Variants in CTNND2 observed in about 807,000 individuals in gnomAD.
CTNND2 encodes the protein catenin delta 2.
CTNND2 carries 22 observed loss-of-function variants against 144.4 expected under a neutral mutation model. That is an observed-to-expected ratio of 0.15 (90% CI 0.11 to 0.22). The LOEUF (loss-of-function observed/expected upper bound fraction) is 0.22. CTNND2 is among the 10% of genes least tolerant of loss of function. CTNND2 has a pLI of 1.00. For missense variants in CTNND2, 1,353 were observed against 1,618.8 expected (o/e 0.84, Z 2.82); for synonymous variants, 751 against 695.6 (o/e 1.08, Z -1.25).
chr5:11,374,775 C>CTTTTTTT lies in CTNND2; in HGVS notation c.1177+9883_1178-9886dup, dbSNP rs56327510. Among the ~76,000 whole-genome samples, 21 of 99,412 alleles carry CTTTTTTT rather than the reference C, an allele frequency of 2.1e-4. 1 individual carries two copies. The highest frequency in any genetic ancestry group is 7.5e-4 in the South Asian group (2 of 2,656). 65.2% of individuals were successfully genotyped at this position (99,412 alleles called of 152,430 possible). On this transcript the variant is annotated intron_variant, in intron 7 of 21. Coordinates refer to ENST00000304623, the MANE Select transcript of CTNND2 (RefSeq NM_001332.4). ...TCCAGAACAAGGTGCTCCCAATCTA[C>CTTTTTTT]TTTTTTTTTTTTTTTTTTTTTTTTT...
intron 2 of CTNND2, among the ~76,000 whole-genome samples, chr5:11,572,186 T>C (rs1011029152): frequency 2.0e-5 from 3 of 152,146 alleles, no homozygotes; most frequent in African/African-American, 7.2e-5. Context: ...CTTTGTGACA[T>C]CTGCTGAACC....
intron 2 of CTNND2, among the ~76,000 whole-genome samples, chr5:11,591,356 T>C (rs558467042): frequency 6.6e-6 from 1 of 152,204 alleles, no homozygotes; most frequent in African/African-American, 2.4e-5. Flanking sequence ...ATCCCTCTTG[T>C]AAGAAAATTA....
intron 5 of CTNND2, among the ~76,000 whole-genome samples, chr5:11,400,164 T>C (rs1166487267): frequency 6.6e-6 from 1 of 152,188 alleles, no homozygotes; most frequent in African/African-American, 2.4e-5. Flanking sequence ...AAGCCTTGCT[T>C]GGGCTAGAGG....
At chr5:11,681,594 G>T (rs1265430940) in intron 2 of CTNND2, among the ~76,000 whole-genome samples, 1 of 152,074 alleles carries the variant, frequency 6.6e-6, no homozygotes, top group African/African-American at 2.4e-5. Flanking sequence ...GTTAATGAAG[G>T]GATAATGAAT....
chr5:11,478,130 T>C (rs1767928798), intron 3 of CTNND2, among the ~76,000 whole-genome samples: 1 of 152,184 alleles, frequency 6.6e-6, no homozygotes. Context: ...ACTTCTTCTC[T>C]CATATATATG....
At chr5:11,826,478 A>G (rs1182313658) in intron 1 of CTNND2, among the ~76,000 whole-genome samples, 3 of 152,078 alleles carry the variant, frequency 2.0e-5, no homozygotes. Context: ...ACAATGATCA[A>G]AATGGTTGAT....
At chr5:11,732,877 C>T (rs1787470276) in intron 1 of CTNND2, among the ~76,000 whole-genome samples, 1 of 151,882 alleles carries the variant, frequency 6.6e-6, no homozygotes, top group African/African-American at 2.4e-5. Flanking sequence ...TCATAAGATC[C>T]TCATTCCACA....
intron 1 of CTNND2, among the ~76,000 whole-genome samples, chr5:11,742,613 C>T (rs1788079907): frequency 6.6e-6 from 1 of 152,100 alleles, no homozygotes; most frequent in East Asian, 1.9e-4. Context: ...CATAATCTGC[C>T]ATTACCTTAT....
chr5:11,182,622 T>C (rs1335260693), intron 11 of CTNND2, among the ~76,000 whole-genome samples: 1 of 151,870 alleles, frequency 6.6e-6, no homozygotes, highest in Non-Finnish European at 1.5e-5. Flanking sequence ...CTACTAGCCA[T>C]GTCCCCCAAG....
chr5:11,129,147 TA>T (rs1755197798), intron 12 of CTNND2, among the ~76,000 whole-genome samples: 2 of 30,644 alleles, frequency 6.5e-5, no homozygotes, highest in African/African-American at 2.2e-4. Flanking sequence ...ATATTATATA[TA>T]AAATATACAT....
At chr5:11,539,912 T>C (rs1341791351) in intron 3 of CTNND2, among the ~76,000 whole-genome samples, 3 of 152,110 alleles carry the variant, frequency 2.0e-5, no homozygotes, top group South Asian at 4.1e-4. Flanking sequence ...TGGGCGTCTG[T>C]AATCCCAGCT....
intron 14 of CTNND2, among the ~76,000 whole-genome samples, chr5:11,101,865 G>A (rs1580287943): frequency 6.9e-6 from 1 of 145,642 alleles, no homozygotes; most frequent in South Asian, 2.2e-4. Flanking sequence ...TTTTTATTAT[G>A]TTATCTGCAT....
chr5:11,640,469 T>C (rs977700879), intron 2 of CTNND2, among the ~76,000 whole-genome samples: 8 of 152,234 alleles, frequency 5.3e-5, no homozygotes, highest in Non-Finnish European at 7.3e-5. Flanking sequence ...AATGTTGATA[T>C]GTGGACATCT....
chr5:11,443,224 TATGTGTGTGTG>T (rs1764446134), intron 3 of CTNND2, among the ~76,000 whole-genome samples: 2 of 112,608 alleles, frequency 1.8e-5, no homozygotes, highest in Admixed American at 1.7e-4. Flanking sequence ...GTGTGGTGTG[TATGTGTGTGTG>T]ATGTGTGTGT....
chr5:11,558,341 C>CGTGT (rs59741742), intron 3 of CTNND2, among the ~76,000 whole-genome samples: 2,790 of 132,150 alleles, frequency 0.021, 45 homozygotes, highest in East Asian at 0.06. Context: ...GTGAGAAACA[C>CGTGT]GTGTGTGTGT....
At chr5:11,685,008 T>A (rs904918805) in intron 2 of CTNND2, among the ~76,000 whole-genome samples, 6 of 152,218 alleles carry the variant, frequency 3.9e-5, no homozygotes, top group Non-Finnish European at 8.8e-5. Context: ...GCTTCACAGC[T>A]TATAACCTTC....
chr5:11,024,455 C>G (rs61750359), intron 16 of CTNND2, among the ~76,000 whole-genome samples: 1 of 152,264 alleles, frequency 6.6e-6, no homozygotes, highest in Admixed American at 6.5e-5. Flanking sequence ...AGTTTACTTT[C>G]GTAGGGCTCA....
intron 16 of CTNND2, among the ~76,000 whole-genome samples, chr5:11,026,045 G>A (rs1358373966): frequency 6.6e-6 from 1 of 152,086 alleles, no homozygotes; most frequent in East Asian, 1.9e-4. Context: ...TTTCTTTTTA[G>A]AGAGAGAAAT....
intron 2 of CTNND2, among the ~76,000 whole-genome samples, chr5:11,719,941 G>C (rs992745577): frequency 6.6e-6 from 1 of 151,396 alleles, no homozygotes; most frequent in Non-Finnish European, 1.5e-5. Context: ...AGTTAGAAAA[G>C]GATAATATAT....
Sources: gnomAD v4.1 joint callset for allele counts (sites outside exome capture counted in the v4.1 genomes callset) on GRCh38, gnomAD v4.1.1 for gene constraint, MANE v1.5 for transcripts, NCBI Gene and HGNC (gene_info 2026-07-23, HGNC 2026-07-21) for gene names.